The following AOAH variants were observed in gnomAD, a reference collection of about 807,000 sequenced individuals.
AOAH encodes the protein acyloxyacyl hydrolase (neutrophil).
Under a neutral mutation model 92.2 loss-of-function variants are expected in AOAH, and 64 were observed. That is an observed-to-expected ratio of 0.69 (90% CI 0.57 to 0.86). The LOEUF is 0.86. Ranked by LOEUF, AOAH falls within the 40% of genes least tolerant of loss-of-function variation. The probability of loss-of-function intolerance (pLI) is 0.00; values close to 1 mark genes in which losing one functional copy is unlikely to be tolerated. For missense variants in AOAH, 656 were observed against 694.6 expected, an observed-to-expected ratio of 0.94 and a Z score of 0.62; for synonymous variants, 263 against 254.5, an observed-to-expected ratio of 1.03 and a Z score of -0.32.
intron 1 of AOAH, among the ~76,000 whole-genome samples, chr7:36,699,296 A>T (rs1797893921): frequency 6.6e-6 from 1 of 151,916 alleles, no homozygotes; most frequent in South Asian, 2.1e-4. Flanking sequence ...CAATATATTG[A>T]TTTTCTTTCT....
rs199528056 is a variant in AOAH at position 36,704,091 on chromosome 7, TC to T, written c.128-17298del. Among the ~76,000 whole-genome samples, 315 of 152,334 alleles carry T rather than the reference TC, an allele frequency of 2.1e-3. 8 individuals are homozygous for T. In the East Asian group the frequency reaches 0.053, roughly 26 times the overall value. ...TCATTGTGGTTTTGATTTGCATTTC[TC>T]TAATGACCAGTGATGATGAGGTTTT... On this transcript the variant is annotated intron_variant, in intron 1 of 20. Transcript: ENST00000617537.
At chr7:36,618,459 C>A in intron 9 of AOAH, 114 bp from the exon 10 acceptor site, 1 of 921,720 alleles carries the variant, frequency 1.1e-6, no homozygotes, top group South Asian at 1.5e-5. Flanking sequence ...AGATAAAACC[C>A]TTTAAAGTTT....
At position 36,513,126 on chromosome 7, in the gene AOAH, G is replaced by T. The variant is rs74556348; in HGVS notation, c.*126C>A. 6.2e-7 allele frequency: 1 copy of T among 1,608,290 alleles called. No individual in the cohort carries two copies. The highest frequency in any genetic ancestry group is 1.1e-5 in the South Asian group (1 of 91,006). ...CTCTTCATTGAGAGAAAGACATTTT[G>T]CAAAGATGCTGCTGAAGAAGAGTCC... is the stretch of plus-strand genomic sequence containing the variant. On this transcript the variant is annotated 3_prime_UTR_variant, in exon 21 of 21. Transcript: ENST00000617537.
intron 15 of AOAH, 104 bp from the exon 16 acceptor site, chr7:36,540,595 C>T: frequency 2.0e-6 from 2 of 1,022,846 alleles, no homozygotes; most frequent in Non-Finnish European, 2.9e-6. Context: ...CGCACACACA[C>T]ACACACAGTG....
intron 11 of AOAH, among the ~76,000 whole-genome samples, chr7:36,595,427 G>A (rs1344063006): frequency 6.6e-6 from 1 of 152,162 alleles, no homozygotes; most frequent in Non-Finnish European, 1.5e-5. Flanking sequence ...CAGCTACATG[G>A]GAGGCTGAGA....
chr7:36,712,949 T>C (rs1457271095), intron 1 of AOAH, among the ~76,000 whole-genome samples: 1 of 152,100 alleles, frequency 6.6e-6, no homozygotes, highest in African/African-American at 2.4e-5. Flanking sequence ...CCAGCTAATA[T>C]CATAATGACA....
At chr7:36,567,728 G>A (rs188885686) in intron 13 of AOAH, among the ~76,000 whole-genome samples, 8 of 152,266 alleles carry the variant, frequency 5.3e-5, no homozygotes, top group Non-Finnish European at 8.8e-5. Context: ...CCCGAATAGT[G>A]GTGTTTTTGT....
intron 11 of AOAH, among the ~76,000 whole-genome samples, chr7:36,615,695 T>C (rs1201140014): frequency 6.6e-6 from 1 of 152,200 alleles, no homozygotes; most frequent in Non-Finnish European, 1.5e-5. Flanking sequence ...GCTCAGGTGA[T>C]GAACTGGTAA....
intron 20 of AOAH, chr7:36,514,624 C>T: frequency 6.9e-7 from 1 of 1,450,240 alleles, no homozygotes; most frequent in African/African-American, 1.4e-5. Context: ...CAAATGGGAC[C>T]TGGCCAGGCC....
intron 12 of AOAH, among the ~76,000 whole-genome samples, chr7:36,589,864 G>A (rs1271979158): frequency 6.6e-6 from 1 of 152,064 alleles, no homozygotes; most frequent in Non-Finnish European, 1.5e-5. Flanking sequence ...AATGTAAGTA[G>A]GATTTTCCTG....
intron 13 of AOAH, among the ~76,000 whole-genome samples, chr7:36,559,915 T>C (rs534811675): frequency 4.6e-5 from 7 of 152,222 alleles, no homozygotes; most frequent in Non-Finnish European, 7.3e-5. Flanking sequence ...TTGTATATGG[T>C]GAAAGATAGG....
chr7:36,616,961 G>T (rs1282711922), intron 10 of AOAH, among the ~76,000 whole-genome samples: 3 of 152,208 alleles, frequency 2.0e-5, no homozygotes, highest in Non-Finnish European at 2.9e-5. Flanking sequence ...GACTGATGGA[G>T]ACACGGAGAT....
intron 15 of AOAH, among the ~76,000 whole-genome samples, chr7:36,542,627 G>T (rs2116221751): frequency 6.6e-6 from 1 of 152,244 alleles, no homozygotes; most frequent in Middle Eastern, 3.4e-3. Context: ...TTTGACCTTG[G>T]AATTTCACTT....
rs186026455 is a variant in AOAH at position 36,538,859 on chromosome 7, A to G, written c.1306+1460T>C. On this transcript the variant is annotated intron_variant, in intron 16 of 20. Coordinates refer to ENST00000617537, the MANE Select transcript of AOAH (RefSeq NM_001637.4). ...TGTACAGTGTTTTGCTTGGATGATA[A>G]TATTTGTGATACATGAGTAACTCAA... Among the ~76,000 whole-genome samples, 6 of 152,302 alleles carry G rather than the reference A, an allele frequency of 3.9e-5. No homozygotes were observed. In the East Asian group the frequency reaches 1.2e-3, roughly 29 times the overall value.
intron 4 of AOAH, among the ~76,000 whole-genome samples, chr7:36,653,484 C>T (rs141980039): frequency 3.1e-4 from 47 of 152,350 alleles, no homozygotes; most frequent in African/African-American, 1.1e-3. Context: ...CCATTTATGT[C>T]ACTTTCCTGG....
At chr7:36,517,597 C>CT (rs70977159) in intron 20 of AOAH, among the ~76,000 whole-genome samples, 41,034 of 89,760 alleles carry the variant, frequency 0.46, 10,361 homozygotes, top group East Asian at 0.56. Context: ...GACTTTATAT[C>CT]TTTTTTTTTT....
intron 13 of AOAH, among the ~76,000 whole-genome samples, chr7:36,555,576 G>A (rs1172731405): frequency 4.6e-5 from 7 of 151,944 alleles, no homozygotes; most frequent in African/African-American, 1.7e-4. Flanking sequence ...GTTCCTCCTT[G>A]TACCTCTGGT....
intron 2 of AOAH, among the ~76,000 whole-genome samples, chr7:36,681,740 G>A (rs529311401): frequency 6.6e-6 from 1 of 152,276 alleles, no homozygotes; most frequent in Non-Finnish European, 1.5e-5. Flanking sequence ...GGCAGAGGTT[G>A]CAGTGAGCCG....
intron 4 of AOAH, among the ~76,000 whole-genome samples, chr7:36,654,659 C>T (rs1360184330): frequency 1.3e-5 from 2 of 152,116 alleles, no homozygotes; most frequent in African/African-American, 4.8e-5. Flanking sequence ...AGACTGCTTG[C>T]GTCACATTAT....
Sources: gnomAD v4.1 joint callset for allele counts (sites outside exome capture counted in the v4.1 genomes callset) on GRCh38, gnomAD v4.1.1 for gene constraint, MANE v1.5 for transcripts, NCBI Gene and HGNC (gene_info 2026-07-23, HGNC 2026-07-21) for gene names.